The following ACAP2 variants were observed in gnomAD, a reference collection of about 807,000 sequenced individuals.
ACAP2 encodes the protein ArfGAP with coiled-coil, ankyrin repeat and PH domains 2, also known as arf-GAP with coiled-coil, ANK repeat and PH domain-containing protein 2.
Under a neutral mutation model 115.8 loss-of-function variants are expected in ACAP2, and 39 were observed. The ratio of observed to expected loss-of-function variants is 0.34; its 90% CI spans 0.26 to 0.44. The LOEUF is 0.44. ACAP2 is among the 20% of genes least tolerant of loss of function. The pLI, the probability that ACAP2 is intolerant of heterozygous loss-of-function variation, is 1.00. For synonymous variants in ACAP2, 289 were observed against 315.8 expected (o/e 0.92, Z 0.90); for missense variants, 662 against 927.6 (o/e 0.71, Z 3.72).
intron 1 of ACAP2, among the ~76,000 whole-genome samples, chr3:195,441,147 T>TAAA (rs1715964229): frequency 6.6e-6 from 1 of 151,414 alleles, no homozygotes; most frequent in Non-Finnish European, 1.5e-5. Context: ...AAAAAAAAAT[T>TAAA]AATGTGAAAC....
intron 9 of ACAP2, among the ~76,000 whole-genome samples, chr3:195,324,484 T>C (rs1190106730): frequency 6.6e-6 from 1 of 152,178 alleles, no homozygotes; most frequent in Admixed American, 6.5e-5. Flanking sequence ...AGCGGCACGG[T>C]GGCTCACACC....
At chr3:195,288,629 G>A (rs552526405) in intron 21 of ACAP2, among the ~76,000 whole-genome samples, 40 of 152,152 alleles carry the variant, frequency 2.6e-4, no homozygotes, top group African/African-American at 8.9e-4. Flanking sequence ...AGGCCGAGGC[G>A]GGTGGATCAC....
chr3:195,292,200 G>C, intron 19 of ACAP2, 65 bp downstream of exon 19: 1 of 1,490,888 alleles, frequency 6.7e-7, no homozygotes. Flanking sequence ...AGCCAGTTCA[G>C]AACATATTAT....
At chr3:195,300,130 T>C (rs1451924503) in intron 15 of ACAP2, among the ~76,000 whole-genome samples, 1 of 146,682 alleles carries the variant, frequency 6.8e-6, no homozygotes, top group African/African-American at 2.6e-5. Context: ...CACTGCAACC[T>C]CTGCCTCCTG....
At chr3:195,368,534 T>C (rs1384286116) in intron 4 of ACAP2, among the ~76,000 whole-genome samples, 2 of 152,214 alleles carry the variant, frequency 1.3e-5, no homozygotes, top group Non-Finnish European at 2.9e-5. Flanking sequence ...CATCCAAAAC[T>C]ATATTTTACC....
chr3:195,294,608 ATTAT>A (rs575726335), intron 18 of ACAP2, 107 bp downstream of exon 18: 2,889 of 84,294 alleles, frequency 0.034, 121 homozygotes, highest in East Asian at 0.24. Flanking sequence ...AAAAAAAAAA[ATTAT>A]ATATATATAT....
At chr3:195,401,449 GA>G (rs1202072555) in intron 1 of ACAP2, among the ~76,000 whole-genome samples, 2 of 152,128 alleles carry the variant, frequency 1.3e-5, no homozygotes, top group African/African-American at 4.8e-5. Flanking sequence ...TGGATCTCTT[GA>G]GGTCAGGAGT....
chr3:195,411,389 C>T (rs1414600519), intron 1 of ACAP2, among the ~76,000 whole-genome samples: 1 of 152,110 alleles, frequency 6.6e-6, no homozygotes, highest in East Asian at 1.9e-4. Flanking sequence ...CAAGTGTCCA[C>T]CAACAGAAAA....
intron 19 of ACAP2, among the ~76,000 whole-genome samples, 161 bp from the exon 20 acceptor site, chr3:195,291,976 ATTATATTAT>A (rs1358067476): frequency 6.6e-6 from 1 of 152,250 alleles, no homozygotes; most frequent in African/African-American, 2.4e-5. Context: ...GAAATTATAA[ATTATATTAT>A]TTTCTTCCCA....
intron 21 of ACAP2, among the ~76,000 whole-genome samples, chr3:195,288,726 A>C (rs1432732625): frequency 6.6e-6 from 1 of 151,922 alleles, no homozygotes; most frequent in Admixed American, 6.5e-5. Flanking sequence ...GTTGTGGTGG[A>C]TCACGCCTGT....
At chr3:195,287,409 T>G (rs1444300005) in intron 21 of ACAP2, among the ~76,000 whole-genome samples, 1 of 152,178 alleles carries the variant, frequency 6.6e-6, no homozygotes, top group African/African-American at 2.4e-5. Context: ...AAATAATTTT[T>G]TTTTTTTTTG....
chr3:195,346,245 A>G (rs1731180897), intron 4 of ACAP2, among the ~76,000 whole-genome samples: 1 of 152,206 alleles, frequency 6.6e-6, no homozygotes, highest in African/African-American at 2.4e-5. Flanking sequence ...TAAGCAGAAG[A>G]AAGAAAATAA....
intron 1 of ACAP2, among the ~76,000 whole-genome samples, chr3:195,396,420 T>A (rs1004676619): frequency 4.6e-5 from 7 of 152,078 alleles, no homozygotes; most frequent in African/African-American, 1.7e-4. Context: ...AAAAAGAGTA[T>A]ACATTAAAAT....
At chr3:195,344,469 T>G (rs1731067826) in intron 5 of ACAP2, among the ~76,000 whole-genome samples, 1 of 152,174 alleles carries the variant, frequency 6.6e-6, no homozygotes, top group Non-Finnish European at 1.5e-5. Flanking sequence ...CTAGTTCTAT[T>G]TTATTTCACA....
chr3:195,313,925 T>C (rs867806908), intron 10 of ACAP2, among the ~76,000 whole-genome samples: 15 of 152,188 alleles, frequency 9.9e-5, no homozygotes, highest in Admixed American at 4.6e-4. Context: ...AAGATTATTG[T>C]GGTGACTTCA....
At chr3:195,347,570 T>C (rs920013234) in intron 4 of ACAP2, among the ~76,000 whole-genome samples, 1 of 152,114 alleles carries the variant, frequency 6.6e-6, no homozygotes, top group Non-Finnish European at 1.5e-5. Flanking sequence ...GTCTGAGAAG[T>C]GGTATGGGAG....
chr3:195,339,161 G>A (rs1200871816), intron 6 of ACAP2, among the ~76,000 whole-genome samples: 1 of 152,118 alleles, frequency 6.6e-6, no homozygotes, highest in African/African-American at 2.4e-5. Flanking sequence ...AACCCTGGAG[G>A]CGGAGGTTGC....
At chr3:195,307,348 A>C in intron 11 of ACAP2, 25 bp from the exon 12 acceptor site, 1 of 1,495,564 alleles carries the variant, frequency 6.7e-7, no homozygotes, top group Non-Finnish European at 9.2e-7. Context: ...CCAAATTTCC[A>C]TATTTTTCCA....
chr3:195,297,330 A>C (rs758944302), intron 15 of ACAP2, 49 bp from the exon 16 acceptor site: 38 of 1,486,362 alleles, frequency 2.6e-5, no homozygotes, highest in Non-Finnish European at 3.3e-5. Context: ...TAAAGACCTT[A>C]AAATAAGCTA....
Sources: gnomAD v4.1 joint callset for allele counts (sites outside exome capture counted in the v4.1 genomes callset) on GRCh38, gnomAD v4.1.1 for gene constraint, MANE v1.5 for transcripts, NCBI Gene and HGNC (gene_info 2026-07-23, HGNC 2026-07-21) for gene names.